The following DAB1 variants were observed in gnomAD, a reference collection of about 807,000 sequenced individuals.
The protein encoded by DAB1 is DAB adaptor protein 1, also known as disabled homolog 1.
DAB1 carries 15 observed loss-of-function variants against 64.6 expected under a neutral mutation model. The ratio of observed to expected loss-of-function variants is 0.23; its 90% confidence interval spans 0.16 to 0.36. The LOEUF (loss-of-function observed/expected upper bound fraction) is 0.36. Among genes scored for constraint, DAB1 ranks in the 10% least tolerant of loss-of-function variants. DAB1 has a pLI of 1.00. For missense variants in DAB1, 596 were observed against 706.7 expected (o/e 0.84, Z 1.78); for synonymous variants, 235 against 251.9 (o/e 0.93, Z 0.64).
intron 3 of DAB1, among the ~76,000 whole-genome samples, chr1:58,485,422 T>C (rs1033483269): frequency 1.3e-5 from 2 of 151,922 alleles, no homozygotes; most frequent in South Asian, 2.1e-4. Flanking sequence ...GTTTCTTTAA[T>C]TGCTAGAAAC....
chr1:57,782,070 C>A (rs552585954), intron 6 of DAB1, among the ~76,000 whole-genome samples: 1 of 152,232 alleles, frequency 6.6e-6, no homozygotes, highest in Non-Finnish European at 1.5e-5. Context: ...AGACAGTCTG[C>A]AATGTTAATT....
intron 4 of DAB1, among the ~76,000 whole-genome samples, chr1:57,128,578 TG>T (rs887389997): frequency 6.6e-6 from 1 of 152,166 alleles, no homozygotes; most frequent in African/African-American, 2.4e-5. Context: ...ATTTACCATC[TG>T]GCCCTTTAAA....
chr1:57,572,642 G>GT (rs1458830390), intron 7 of DAB1, among the ~76,000 whole-genome samples: 4 of 152,114 alleles, frequency 2.6e-5, no homozygotes, highest in Non-Finnish European at 5.9e-5. Context: ...AATAAATGGA[G>GT]TTTTTACATA....
chr1:57,337,013 A>G (rs1056680472), intron 1 of DAB1, among the ~76,000 whole-genome samples: 4 of 152,050 alleles, frequency 2.6e-5, no homozygotes, highest in African/African-American at 9.7e-5. Flanking sequence ...GTGTTATCCA[A>G]TCAGTGACAC....
At chr1:58,160,592 A>G (rs1000663476) in intron 4 of DAB1, among the ~76,000 whole-genome samples, 2 of 152,156 alleles carry the variant, frequency 1.3e-5, no homozygotes, top group Non-Finnish European at 1.5e-5. Context: ...TTTCCCTCCA[A>G]CGATCTCAAA....
chr1:58,467,856 T>C (rs920233636), intron 3 of DAB1: 4 of 152,352 alleles, frequency 2.6e-5, no homozygotes, highest in African/African-American at 9.6e-5. Flanking sequence ...TTTTTCTTTT[T>C]CTCCCCAGTG....
intron 2 of DAB1, among the ~76,000 whole-genome samples, chr1:57,199,308 A>T (rs572262874): frequency 6.6e-6 from 1 of 152,352 alleles, no homozygotes; most frequent in Admixed American, 6.5e-5. Context: ...TGTTTACCTT[A>T]AAAAACCCAC....
chr1:57,676,660 T>C lies in DAB1; in HGVS notation n.552-26995A>G, dbSNP rs180978388. On this transcript the variant is annotated intron_variant and non_coding_transcript_variant, in intron 6 of 20. Coordinates refer to the DAB1 transcript ENST00000485760. ...TCAGCTTGGCATCCTTGACTGTTAA[T>C]GATATGCCTCAAAATTACATCTCTT... Among the ~76,000 whole-genome samples the C allele has an allele frequency of 3.3e-4, 50 of 152,334 alleles. No homozygotes were observed. In the East Asian group the frequency reaches 7.3e-3, roughly 22 times the overall value.
chr1:57,942,160 A>G (rs1016236145), intron 5 of DAB1, among the ~76,000 whole-genome samples: 1 of 152,120 alleles, frequency 6.6e-6, no homozygotes, highest in South Asian at 2.1e-4. Flanking sequence ...GTTCCTGTCA[A>G]GGCACACCCT....
intron 2 of DAB1, among the ~76,000 whole-genome samples, chr1:57,169,330 T>C (rs1661509366): frequency 6.6e-6 from 1 of 152,196 alleles, no homozygotes; most frequent in African/African-American, 2.4e-5. Context: ...GGATTTGTGC[T>C]AAATATTTTG....
chr1:57,947,636 C>T (rs1356629268), intron 5 of DAB1, among the ~76,000 whole-genome samples: 3 of 151,850 alleles, frequency 2.0e-5, no homozygotes, highest in Admixed American at 1.3e-4. Flanking sequence ...TTATCTGACT[C>T]ACGTTCGATG....
chr1:57,904,264 T>C (rs984568096), intron 5 of DAB1, among the ~76,000 whole-genome samples: 2 of 152,208 alleles, frequency 1.3e-5, no homozygotes, highest in African/African-American at 4.8e-5. Context: ...TCTGCATGCA[T>C]TGGCAAATGA....
intron 1 of DAB1, chr1:57,878,905 T>C (rs1644097416): frequency 6.6e-6 from 1 of 152,188 alleles, no homozygotes; most frequent in Non-Finnish European, 1.5e-5. Context: ...AGCCCCCACA[T>C]ACGAGTAAGA....
intron 7 of DAB1, among the ~76,000 whole-genome samples, chr1:57,648,185 C>T (rs1646216252): frequency 2.0e-5 from 3 of 152,132 alleles, no homozygotes; most frequent in Admixed American, 2.0e-4. Context: ...AATGATCAGC[C>T]TCTTCTCTCT....
At chr1:57,528,157 T>A (rs1644615969) in intron 7 of DAB1, among the ~76,000 whole-genome samples, 1 of 152,080 alleles carries the variant, frequency 6.6e-6, no homozygotes, top group Non-Finnish European at 1.5e-5. Flanking sequence ...AAATGGGGAA[T>A]TTCAGAAGAG....
chr1:57,474,440 G>C (rs796359196), intron 7 of DAB1, among the ~76,000 whole-genome samples: 31 of 152,250 alleles, frequency 2.0e-4, no homozygotes, highest in African/African-American at 7.5e-4. Context: ...TTTAAAAAGA[G>C]GGAATCACAA....
At chr1:57,983,185 C>A (rs1646109232) in intron 5 of DAB1, among the ~76,000 whole-genome samples, 2 of 152,198 alleles carry the variant, frequency 1.3e-5, no homozygotes, top group Admixed American at 6.5e-5. Context: ...AGATTTATGA[C>A]ACCCAAGATG....
At chr1:57,142,162 A>T (rs1021335195) in intron 3 of DAB1, among the ~76,000 whole-genome samples, 3 of 152,178 alleles carry the variant, frequency 2.0e-5, no homozygotes, top group African/African-American at 7.2e-5. Flanking sequence ...TGGGTCACTC[A>T]TACTCATTAT....
chr1:57,736,270 G>A (rs768039595), intron 6 of DAB1, among the ~76,000 whole-genome samples: 4 of 152,212 alleles, frequency 2.6e-5, no homozygotes, highest in East Asian at 1.9e-4. Flanking sequence ...GCCAGAGAAC[G>A]GTGGGGAAAC....
Sources: gnomAD v4.1 joint callset for allele counts (sites outside exome capture counted in the v4.1 genomes callset) on GRCh38, gnomAD v4.1.1 for gene constraint, MANE v1.5 for transcripts, NCBI Gene and HGNC (gene_info 2026-07-23, HGNC 2026-07-21) for gene names.